Variants in WDR1 observed in about 807,000 individuals in gnomAD.
The protein encoded by WDR1 is WD repeat domain 1.
Under a neutral mutation model 71.9 loss-of-function variants are expected in WDR1, and 21 were observed. That is an observed-to-expected ratio of 0.29 (90% CI 0.21 to 0.42). WDR1 has a LOEUF of 0.42. WDR1 is among the 10% of genes least tolerant of loss of function. The probability of loss-of-function intolerance (pLI) is 1.00; values close to 1 mark genes in which losing one functional copy is unlikely to be tolerated. For synonymous variants in WDR1, 424 were observed against 347.4 expected (o/e 1.22, Z -2.45); for missense variants, 696 against 824.5 (o/e 0.84, Z 1.91).
intron 8 of WDR1, among the ~76,000 whole-genome samples, chr4:10,084,829 C>CAGCACCTG (rs1765150164): frequency 6.6e-6 from 1 of 152,260 alleles, no homozygotes; most frequent in Non-Finnish European, 1.5e-5. Context: ...CCCAGCACGT[C>CAGCACCTG]AGCACCTGAG....
chr4:10,083,539 C>T (rs1560530531), intron 9 of WDR1: 1 of 472,980 alleles, frequency 2.1e-6, no homozygotes, highest in Non-Finnish European at 4.2e-6. Flanking sequence ...GGCATGTCTG[C>T]CCTCCTCTCC....
chr4:10,108,276 A>G (rs1713141866), intron 2 of WDR1: 1 of 152,132 alleles, frequency 6.6e-6, no homozygotes, highest in Admixed American at 6.5e-5. Flanking sequence ...CACTACTCCA[A>G]TTTACAGGTA....
chr4:10,088,534 T>C (rs1174020178), intron 6 of WDR1, 130 bp downstream of exon 6: 2 of 1,113,930 alleles, frequency 1.8e-6, no homozygotes, highest in Admixed American at 2.0e-5. Flanking sequence ...ACGACGAGTC[T>C]GCAGATGTGG....
At chr4:10,114,311 C>T (rs1404268853) in intron 2 of WDR1, among the ~76,000 whole-genome samples, 1 of 152,204 alleles carries the variant, frequency 6.6e-6, no homozygotes, top group Admixed American at 6.5e-5. Context: ...ATGGGTTTCA[C>T]AAGCTGGGAA....
intron 5 of WDR1, among the ~76,000 whole-genome samples, chr4:10,094,221 G>A (rs1370146952): frequency 6.6e-6 from 1 of 152,166 alleles, no homozygotes; most frequent in Non-Finnish European, 1.5e-5. Flanking sequence ...CATTTCATTA[G>A]ACACAAACTA....
At chr4:10,084,108 C>T (rs892697215) in intron 9 of WDR1, among the ~76,000 whole-genome samples, 2 of 152,212 alleles carry the variant, frequency 1.3e-5, no homozygotes, top group South Asian at 2.1e-4. Context: ...CCAAGGCTGG[C>T]GCCAGGTGCC....
intron 2 of WDR1, chr4:10,115,896 A>C (rs1162129041): frequency 8.3e-6 from 5 of 600,384 alleles, no homozygotes; most frequent in Non-Finnish European, 1.5e-5. Context: ...GAAACGAACT[A>C]AGACTCAGTT....
intron 3 of WDR1, among the ~76,000 whole-genome samples, chr4:10,101,600 A>G (rs1712687514): frequency 6.6e-6 from 1 of 152,254 alleles, no homozygotes; most frequent in Admixed American, 6.5e-5. Flanking sequence ...CAGGGAGGAC[A>G]GCGTCCCACG....
At chr4:10,110,870 C>T (rs185173426) in intron 2 of WDR1, among the ~76,000 whole-genome samples, 2 of 152,296 alleles carry the variant, frequency 1.3e-5, no homozygotes, top group East Asian at 1.9e-4. Flanking sequence ...GCAAACGTTG[C>T]CAGATATCCC....
intron 5 of WDR1, among the ~76,000 whole-genome samples, chr4:10,096,866 TGTGCATTTCCG>T (rs1356817222): frequency 2.0e-5 from 3 of 152,188 alleles, no homozygotes; most frequent in Non-Finnish European, 4.4e-5. Flanking sequence ...GTCCCTAAAA[TGTGCATTTCCG>T]GGTCCATTGT....
At position 10,093,094 on chromosome 4, in the gene WDR1, C is replaced by A. The variant is rs1321273145; in HGVS notation, c.559-4353G>T. On this transcript the variant is annotated intron_variant, in intron 5 of 14. Coordinates refer to ENST00000499869, the MANE Select transcript of WDR1 (RefSeq NM_017491.5). ...CTGAGGTCATAATTAAGTACCACAC[C>A]CATGTCAACATCACAGAGCGACAGA... The A allele has an allele frequency of 2.3e-6, 3 of 1,289,472 alleles. No homozygotes were observed. In the East Asian group the frequency reaches 1.7e-4, roughly 72 times the overall value. 79.9% of individuals were successfully genotyped at this position (1,289,472 alleles called of 1,614,324 possible). A position where few individuals can be genotyped will look rare whatever the true frequency, so the allele number is the denominator to read the frequency against.
intron 2 of WDR1, among the ~76,000 whole-genome samples, chr4:10,105,818 G>A (rs1264801447): frequency 2.0e-5 from 3 of 152,200 alleles, no homozygotes; most frequent in Non-Finnish European, 4.4e-5. Context: ...AAAGACACAG[G>A]AGCAATGTTC....
At chr4:10,080,546 C>A (rs1764972803) in intron 11 of WDR1, among the ~76,000 whole-genome samples, 1 of 152,238 alleles carries the variant, frequency 6.6e-6, no homozygotes, top group African/African-American at 2.4e-5. Flanking sequence ...ATTAAGTTCA[C>A]AAGGCAAAGG....
In WDR1 at chr4:10,116,456, C is replaced by G. The variant is rs1008879175; in HGVS notation, c.16+195G>C. 2.6e-5 allele frequency: 21 copies of G among 792,982 alleles called. No individual in the cohort carries two copies. In the African/African-American group the frequency reaches 3.7e-4, roughly 14 times the overall value. The allele number at this position is 792,982 out of a possible 1,614,324, so 49.1% of individuals were successfully genotyped here. A position where few individuals can be genotyped will look rare whatever the true frequency, so the allele number is the denominator to read the frequency against. On this transcript the variant is annotated intron_variant, in intron 1 of 14. Transcript: ENST00000499869. ...GGCTCCTCCGGCTCGGCCCACGGCG[C>G]CAACTTGGGGGCGCACCCCCCGTCG...
At chr4:10,088,590 G>T in intron 6 of WDR1, 74 bp downstream of exon 6, 1 of 1,350,740 alleles carries the variant, frequency 7.4e-7, no homozygotes, top group Non-Finnish European at 1.0e-6. Context: ...GCATTAGGCA[G>T]CCTGCGGCTC....
chr4:10,084,517 G>C lies in WDR1; in HGVS notation c.965C>G (p.Ser322Trp). ...PLHVIKGHSK[S>W]IQCLTVHKNG... ...TTTATGCACCGTCAGACACTGGATC[G>C]ATTTACTGTGACCCTGTGAAGGAGA... Residue 322 changes from serine to tryptophan, a missense_variant, in exon 9 of 15, where the codon TCG becomes TGG. Physicochemically the swap from Ser to Trp is radical, Grantham distance 177. Coordinates refer to ENST00000499869, the MANE Select transcript of WDR1 (RefSeq NM_017491.5). The C allele has an allele frequency of 6.2e-7, 1 of 1,613,826 alleles. No individual in the cohort carries two copies. The highest frequency in any genetic ancestry group is 8.5e-7 in the Non-Finnish European group (1 of 1,179,756).
chr4:10,106,885 C>T (rs1374138738), intron 2 of WDR1, among the ~76,000 whole-genome samples: 1 of 152,272 alleles, frequency 6.6e-6, no homozygotes, highest in Non-Finnish European at 1.5e-5. Flanking sequence ...ACCTCACACC[C>T]CCACGTGTCA....
chr4:10,116,733 C>A lies in WDR1; in HGVS notation c.-67G>T. The A allele has an allele frequency of 1.6e-6, 2 of 1,287,072 alleles. No individual in the cohort carries two copies. The highest frequency in any genetic ancestry group is 2.0e-6 in the Non-Finnish European group (2 of 1,015,352). 79.7% of individuals were successfully genotyped at this position (1,287,072 alleles called of 1,614,324 possible). A position where few individuals can be genotyped will look rare whatever the true frequency, so the allele number is the denominator to read the frequency against. ...CGGGGCCGGCCCGCGCTGCGAATTA[C>A]ACCTCGCCGAGGCCGAGCCCGGGGA... On this transcript the variant is annotated 5_prime_UTR_variant, in exon 1 of 15. Transcript: ENST00000499869.
At chr4:10,081,258 A>G in intron 11 of WDR1, 99 bp downstream of exon 11, 1 of 1,171,608 alleles carries the variant, frequency 8.5e-7, no homozygotes, top group Non-Finnish European at 1.3e-6. Flanking sequence ...CAACCAAAAC[A>G]CTGGCTAGAG....
Sources: allele counts gnomAD v4.1 joint callset (sites outside exome capture counted in the v4.1 genomes callset), GRCh38; gene constraint gnomAD v4.1.1; transcripts MANE v1.5; gene names NCBI Gene and HGNC (gene_info 2026-07-23, HGNC 2026-07-21).